DPH6: variants seen among roughly 807,000 people sequenced by gnomAD.
The protein encoded by DPH6 is diphthamine biosynthesis 6, also known as diphthine--ammonia ligase.
A neutral mutation model predicts 38.2 loss-of-function variants in DPH6; 33 were observed. The observed-to-expected ratio is 0.86, with a 90% CI of 0.65 to 1.15. The LOEUF (loss-of-function observed/expected upper bound fraction) is 1.15. Ranked by LOEUF, DPH6 falls within the 50% of genes most tolerant of loss-of-function variation. DPH6 has a pLI of 0.00. For synonymous variants in DPH6, 108 were observed against 103.0 expected, an observed-to-expected ratio of 1.05 and a Z score of -0.30; for missense variants, 325 against 320.0, an observed-to-expected ratio of 1.02 and a Z score of -0.12.
At chr15:35,276,936 T>G (rs2051863260) in intron 3 of DPH6, among the ~76,000 whole-genome samples, 1 of 152,196 alleles carries the variant, frequency 6.6e-6, no homozygotes, top group Admixed American at 6.5e-5. Context: ...CCATATGAAT[T>G]TTAGGATTTT....
At chr15:35,339,130 T>C (rs1405930419) in intron 3 of DPH6, among the ~76,000 whole-genome samples, 2 of 152,002 alleles carry the variant, frequency 1.3e-5, no homozygotes, top group Non-Finnish European at 2.9e-5. Context: ...CATGCATACA[T>C]ATGTAACAAA....
intron 3 of DPH6, among the ~76,000 whole-genome samples, chr15:35,502,453 T>G (rs540617604): frequency 6.6e-6 from 1 of 152,098 alleles, no homozygotes; most frequent in Non-Finnish European, 1.5e-5. Flanking sequence ...TTCAGAGTTC[T>G]GTTTGTTTTA....
chr15:35,391,389 G>A (rs1031840837), intron 6 of DPH6, among the ~76,000 whole-genome samples: 1 of 152,200 alleles, frequency 6.6e-6, no homozygotes, highest in African/African-American at 2.4e-5. Flanking sequence ...GGACATTTAA[G>A]TCTGCAGAGG....
intron 8 of DPH6, 31 bp from the exon 9 acceptor site, chr15:35,372,234 A>C: frequency 1.4e-6 from 2 of 1,447,676 alleles, no homozygotes; most frequent in Non-Finnish European, 1.8e-6. Context: ...AAGGGAAGGA[A>C]AATGCACCAT....
intron 3 of DPH6, among the ~76,000 whole-genome samples, chr15:35,351,797 C>T (rs1486838880): frequency 6.6e-6 from 1 of 151,116 alleles, no homozygotes; most frequent in South Asian, 2.1e-4. Flanking sequence ...TTATGGCTCA[C>T]TGCAGCACTG....
At chr15:35,292,811 G>T (rs1161861148) in intron 3 of DPH6, among the ~76,000 whole-genome samples, 3 of 152,020 alleles carry the variant, frequency 2.0e-5, no homozygotes, top group Non-Finnish European at 4.4e-5. Flanking sequence ...TTGAAACTCA[G>T]TTCAGTTTCT....
chr15:35,495,091 G>C (rs2054532073), intron 3 of DPH6, among the ~76,000 whole-genome samples: 1 of 152,100 alleles, frequency 6.6e-6, no homozygotes, highest in Admixed American at 6.6e-5. Context: ...TAATTTGATA[G>C]TATTATGTTA....
intron 3 of DPH6, among the ~76,000 whole-genome samples, chr15:35,489,089 T>C (rs768687411): frequency 2.0e-5 from 3 of 152,182 alleles, no homozygotes; most frequent in Non-Finnish European, 4.4e-5. Flanking sequence ...CAATAACTAA[T>C]TGGTTCAATA....
chr15:35,456,031 T>G (rs1172027131), intron 3 of DPH6, among the ~76,000 whole-genome samples: 1 of 152,188 alleles, frequency 6.6e-6, no homozygotes, highest in African/African-American at 2.4e-5. Flanking sequence ...CCCTCCAAAA[T>G]GATGGAGAAA....
intron 3 of DPH6, among the ~76,000 whole-genome samples, chr15:35,284,576 TA>T (rs1422138472): frequency 1.3e-5 from 2 of 150,752 alleles, no homozygotes; most frequent in Non-Finnish European, 3.0e-5. Context: ...ATATATATAA[TA>T]AAAATTATTT....
At chr15:35,321,621 T>C (rs1332955813) in intron 3 of DPH6, among the ~76,000 whole-genome samples, 4 of 152,322 alleles carry the variant, frequency 2.6e-5, no homozygotes, top group Admixed American at 1.3e-4. Context: ...TTAAGCTGTA[T>C]TCTTGATTTG....
chr15:35,160,141 T>C, the DPH6 span, among the ~76,000 whole-genome samples: 3 of 151,902 alleles, frequency 2.0e-5, no homozygotes, highest in African/African-American at 4.8e-5. Flanking sequence ...CATCATGCAA[T>C]ATACCTTTGC....
intron 3 of DPH6, chr15:35,298,964 C>A (rs993537204): frequency 1.6e-5 from 12 of 771,968 alleles, no homozygotes; most frequent in African/African-American, 5.1e-5. Flanking sequence ...TCTTCTCTCG[C>A]TCCTAATCTT....
chr15:35,542,945 A>AACATATATATATATATATAT (rs918808642), intron 1 of DPH6, among the ~76,000 whole-genome samples: 1 of 30,226 alleles, frequency 3.3e-5, no homozygotes, highest in African/African-American at 8.2e-5. Flanking sequence ...CCACTTAAGG[A>AACATATATATATATATATAT]ATATATATAT....
At chr15:35,435,764 G>A (rs1326149104) in intron 5 of DPH6, among the ~76,000 whole-genome samples, 4 of 151,946 alleles carry the variant, frequency 2.6e-5, no homozygotes, top group Admixed American at 6.6e-5. Flanking sequence ...TGGTCCATAC[G>A]GGCATATGAG....
intron 5 of DPH6, among the ~76,000 whole-genome samples, chr15:35,446,497 G>A (rs2053855810): frequency 6.6e-6 from 1 of 151,984 alleles, no homozygotes; most frequent in African/African-American, 2.4e-5. Context: ...GGGAATACAG[G>A]CATGAGCCAC....
chr15:35,427,679 C>A (rs16960916), intron 5 of DPH6, among the ~76,000 whole-genome samples: 1 of 151,376 alleles, frequency 6.6e-6, no homozygotes, highest in African/African-American at 2.4e-5. Flanking sequence ...CAATAAAATA[C>A]TAGATAGAAG....
chr15:35,274,239 T>C (rs1319816743), intron 3 of DPH6, among the ~76,000 whole-genome samples: 1 of 152,190 alleles, frequency 6.6e-6, no homozygotes, highest in African/African-American at 2.4e-5. Flanking sequence ...TTATACCTTA[T>C]ACAAAAATTA....
At chr15:35,213,600 C>T (rs1046683647), downstream of DPH6, among the ~76,000 whole-genome samples, 1 of 152,188 alleles carries the variant, frequency 6.6e-6, no homozygotes, top group African/African-American at 2.4e-5. Context: ...AAAATATACA[C>T]AATATCCTGG....
Sources: allele counts gnomAD v4.1 joint callset (sites outside exome capture counted in the v4.1 genomes callset), GRCh38; gene constraint gnomAD v4.1.1; transcripts MANE v1.5; gene names NCBI Gene and HGNC (gene_info 2026-07-23, HGNC 2026-07-21).